The following ZNF385D variants were observed in gnomAD, a reference collection of about 807,000 sequenced individuals.
ZNF385D encodes the protein zinc finger protein 385D.
ZNF385D carries 15 observed loss-of-function variants against 35.8 expected under a neutral mutation model. The ratio of observed to expected loss-of-function variants is 0.42; its 90% CI spans 0.28 to 0.64. The LOEUF (loss-of-function observed/expected upper bound fraction) is 0.64, where lower values mean the gene tolerates loss of function less well. Among genes scored for constraint, ZNF385D ranks in the 30% least tolerant of loss-of-function variants. The pLI is 0.23. For synonymous variants in ZNF385D, 212 were observed against 186.8 expected, an observed-to-expected ratio of 1.13 and a Z score of -1.10; for missense variants, 474 against 494.6, an observed-to-expected ratio of 0.96 and a Z score of 0.39.
At chr3:22,283,483 G>T (rs1701871473) in intron 2 of ZNF385D, among the ~76,000 whole-genome samples, 1 of 152,062 alleles carries the variant, frequency 6.6e-6, no homozygotes, top group African/African-American at 2.4e-5. Context: ...AAGAATCAGT[G>T]TCCTAATCTT....
chr3:22,106,516 T>C (rs556033997), intron 3 of ZNF385D, among the ~76,000 whole-genome samples: 1 of 152,246 alleles, frequency 6.6e-6, no homozygotes, highest in East Asian at 1.9e-4. Context: ...AGGTTTGCTG[T>C]CTTCTTTCCA....
chr3:21,997,952 G>A (rs1695587330), intron 3 of ZNF385D, among the ~76,000 whole-genome samples: 1 of 149,316 alleles, frequency 6.7e-6, no homozygotes, highest in African/African-American at 2.5e-5. Context: ...TGAGATAGAA[G>A]ATCAGTAAGA....
intron 3 of ZNF385D, among the ~76,000 whole-genome samples, chr3:22,128,092 T>C (rs1205700464): frequency 1.3e-5 from 2 of 152,202 alleles, no homozygotes; most frequent in Non-Finnish European, 2.9e-5. Context: ...TCTCTCAGCT[T>C]TTGTTTGTCT....
chr3:21,923,083 T>C (rs1700554378), intron 3 of ZNF385D, among the ~76,000 whole-genome samples: 1 of 152,240 alleles, frequency 6.6e-6, no homozygotes, highest in South Asian at 2.1e-4. Context: ...GTGCACAACA[T>C]GCAGGTTTGT....
intron 3 of ZNF385D, among the ~76,000 whole-genome samples, chr3:21,971,890 G>A (rs1187047076): frequency 6.6e-6 from 1 of 151,726 alleles, no homozygotes; most frequent in Admixed American, 6.6e-5. Context: ...AATGATAAAG[G>A]GATGAATAAG....
chr3:21,878,913 T>C (rs1418177639), intron 3 of ZNF385D, among the ~76,000 whole-genome samples: 1 of 152,062 alleles, frequency 6.6e-6, no homozygotes, highest in Non-Finnish European at 1.5e-5. Context: ...AAACAATTTT[T>C]ATTTAGGTTC....
chr3:22,336,248 AT>A (rs1029460052), intron 2 of ZNF385D, among the ~76,000 whole-genome samples: 7 of 152,158 alleles, frequency 4.6e-5, no homozygotes. Context: ...TTATGATATA[AT>A]GTTAAGCTCT....
chr3:21,856,496 A>C (rs1696720618), intron 3 of ZNF385D, among the ~76,000 whole-genome samples: 1 of 152,086 alleles, frequency 6.6e-6, no homozygotes, highest in Non-Finnish European at 1.5e-5. Flanking sequence ...GCAACTCTTG[A>C]TCTTTTCAAA....
intron 4 of ZNF385D, among the ~76,000 whole-genome samples, chr3:21,496,454 GAT>G (rs1258838448): frequency 2.8e-4 from 30 of 107,622 alleles, no homozygotes; most frequent in Middle Eastern, 0.01. Flanking sequence ...ACACATATTT[GAT>G]ATATATATCA....
At chr3:22,304,021 G>A (rs552447981) in intron 2 of ZNF385D, among the ~76,000 whole-genome samples, 4 of 152,056 alleles carry the variant, frequency 2.6e-5, no homozygotes, top group Admixed American at 6.6e-5. Flanking sequence ...CAGGTAAGCC[G>A]CCCACCTCGG....
chr3:21,733,065 T>G (rs1467473614), intron 1 of ZNF385D, among the ~76,000 whole-genome samples: 1 of 152,178 alleles, frequency 6.6e-6, no homozygotes, highest in Non-Finnish European at 1.5e-5. Flanking sequence ...TTACTTTTTG[T>G]GAAGAGTATA....
chr3:21,588,285 T>A (rs1295564680), intron 2 of ZNF385D, among the ~76,000 whole-genome samples: 1 of 152,188 alleles, frequency 6.6e-6, no homozygotes, highest in Admixed American at 6.5e-5. Flanking sequence ...TTCCTCAAGC[T>A]TTCTCAGTAG....
chr3:21,802,603 G>C (rs1316242383), intron 3 of ZNF385D, among the ~76,000 whole-genome samples: 1 of 152,094 alleles, frequency 6.6e-6, no homozygotes, highest in Admixed American at 6.6e-5. Context: ...TATGTGGCAG[G>C]CAGGGCACTT....
intron 3 of ZNF385D, among the ~76,000 whole-genome samples, chr3:21,980,737 C>A (rs970818334): frequency 2.0e-5 from 3 of 152,142 alleles, no homozygotes; most frequent in Non-Finnish European, 4.4e-5. Context: ...CTCAACCAGA[C>A]CACAGTGTCT....
intron 3 of ZNF385D, among the ~76,000 whole-genome samples, chr3:21,944,061 T>A: frequency 6.6e-6 from 1 of 152,196 alleles, no homozygotes; most frequent in East Asian, 1.9e-4. Flanking sequence ...TATTTACCAT[T>A]TATTTATATT....
At chr3:22,211,180 CATA>C (rs1361078870) in intron 2 of ZNF385D, among the ~76,000 whole-genome samples, 1 of 151,840 alleles carries the variant, frequency 6.6e-6, no homozygotes, top group Non-Finnish European at 1.5e-5. Context: ...AAAGTGGGAA[CATA>C]ATAAGCATAA....
At chr3:22,298,461 TATATAA>T (rs554042700) in intron 2 of ZNF385D, among the ~76,000 whole-genome samples, 5 of 124,072 alleles carry the variant, frequency 4.0e-5, no homozygotes, top group African/African-American at 1.1e-4. Flanking sequence ...TTATATATAA[TATATAA>T]ATATACATAA....
chr3:22,061,424 C>T (rs767335560), intron 3 of ZNF385D, among the ~76,000 whole-genome samples: 9 of 152,136 alleles, frequency 5.9e-5, no homozygotes, highest in African/African-American at 1.9e-4. Flanking sequence ...CACATCCCTG[C>T]TGGAAGTCCT....
chr3:21,548,059 G>C (rs1015199616), intron 3 of ZNF385D, among the ~76,000 whole-genome samples: 1 of 152,122 alleles, frequency 6.6e-6, no homozygotes, highest in Non-Finnish European at 1.5e-5. Context: ...TGAAACCTGG[G>C]ATTAGAAGGG....
Sources: gnomAD v4.1 joint callset for allele counts (sites outside exome capture counted in the v4.1 genomes callset) on GRCh38, gnomAD v4.1.1 for gene constraint, MANE v1.5 for transcripts, NCBI Gene and HGNC (gene_info 2026-07-23, HGNC 2026-07-21) for gene names.